ANXA13: variants seen among roughly 807,000 people sequenced by gnomAD.
The protein encoded by ANXA13 is annexin XIII.
A neutral mutation model predicts 46.6 loss-of-function variants in ANXA13; 36 were observed. That is an observed-to-expected ratio of 0.77 (90% CI 0.59 to 1.02). The LOEUF (loss-of-function observed/expected upper bound fraction) is 1.02, where lower values mean the gene tolerates loss of function less well. Ranked by LOEUF, ANXA13 falls within the 50% of genes least tolerant of loss-of-function variation. The pLI, the probability that ANXA13 is intolerant of heterozygous loss-of-function variation, is 0.00. For synonymous variants in ANXA13, 163 were observed against 152.9 expected (o/e 1.07, Z -0.49); for missense variants, 417 against 396.5 (o/e 1.05, Z -0.44).
At chr8:123,723,713 T>C (rs1022348043) in intron 1 of ANXA13, among the ~76,000 whole-genome samples, 9 of 152,204 alleles carry the variant, frequency 5.9e-5, no homozygotes, top group Admixed American at 3.9e-4. Context: ...CTGACTCTTT[T>C]GTTCTACCCT....
chr8:123,714,129 G>A (rs1813715762), intron 1 of ANXA13, among the ~76,000 whole-genome samples: 1 of 152,128 alleles, frequency 6.6e-6, no homozygotes, highest in Non-Finnish European at 1.5e-5. Context: ...CAGCTCAGTG[G>A]GTATGTTGCC....
intron 3 of ANXA13, among the ~76,000 whole-genome samples, chr8:123,700,641 T>A (rs1813427419): frequency 6.6e-6 from 1 of 152,222 alleles, no homozygotes; most frequent in Non-Finnish European, 1.5e-5. Context: ...TCAGTTTGAA[T>A]CCATTTACTC....
intron 1 of ANXA13, among the ~76,000 whole-genome samples, chr8:123,719,753 A>G (rs1030393017): frequency 6.6e-6 from 1 of 152,210 alleles, no homozygotes; most frequent in Non-Finnish European, 1.5e-5. Flanking sequence ...TCATGACATA[A>G]TAGTCCACAT....
rs1274135783 is a variant in ANXA13 at position 123,690,903 on chromosome 8, G to T, written c.643-1957C>A. 1.3e-5 allele frequency among the ~76,000 whole-genome samples: 2 copies of T among 152,222 alleles called. No homozygotes were observed. The highest frequency in any genetic ancestry group is 2.9e-5 in the Non-Finnish European group (2 of 68,026). ...GGAACATGTACAGGGGAGGGGCAAA[G>T]GGTGAGGCACGCAGTGAGGTGGCAG... is the stretch of plus-strand genomic sequence containing the variant. On this transcript the variant is annotated intron_variant, in intron 8 of 10. Coordinates refer to ENST00000419625, the MANE Select transcript of ANXA13 (RefSeq NM_004306.4). This position sits in a 1 kb window ranked among gnomAD's most constrained non-coding sequence, Gnocchi z 4.6.
intron 1 of ANXA13, among the ~76,000 whole-genome samples, chr8:123,736,738 C>T (rs1026945588): frequency 5.9e-5 from 9 of 152,064 alleles, no homozygotes; most frequent in African/African-American, 1.9e-4. Context: ...TACATATTAA[C>T]CATTTGCTCT....
chr8:123,719,771 A>C (rs983830840), intron 1 of ANXA13, among the ~76,000 whole-genome samples: 1 of 152,156 alleles, frequency 6.6e-6, no homozygotes, highest in African/African-American at 2.4e-5. Context: ...CATAGTGTGG[A>C]CTTGGGAGTC....
At position 123,681,197 on chromosome 8, in the gene ANXA13, A is replaced by G. The variant is rs1813029349; in HGVS notation, c.*43T>C. 1 of 1,559,116 alleles carries G rather than the reference A, an allele frequency of 6.4e-7. No individual in the cohort carries two copies. The highest frequency in any genetic ancestry group is 8.7e-7 in the Non-Finnish European group (1 of 1,151,700). On this transcript the variant is annotated 3_prime_UTR_variant, in exon 11 of 11. Coordinates refer to ENST00000419625, the MANE Select transcript of ANXA13 (RefSeq NM_004306.4). Reference sequence around the variant, plus strand: ...AAGTTTGATTTGGAATGTGCTCTTGACAAAGGCGGTTCCACCCTGTGTTCC... The same window carrying G: ...AAGTTTGATTTGGAATGTGCTCTTGGCAAAGGCGGTTCCACCCTGTGTTCC...
intron 2 of ANXA13, among the ~76,000 whole-genome samples, chr8:123,710,950 C>T (rs1268468027): frequency 2.6e-5 from 4 of 152,158 alleles, no homozygotes; most frequent in Non-Finnish European, 4.4e-5. Flanking sequence ...GCTTGTTGTT[C>T]TGGAACTCCT....
intron 1 of ANXA13, among the ~76,000 whole-genome samples, chr8:123,732,448 T>A (rs965933890): frequency 6.6e-6 from 1 of 152,204 alleles, no homozygotes; most frequent in African/African-American, 2.4e-5. Context: ...GTTACAACCA[T>A]CACCACTGGG....
rs777730153 is a variant in ANXA13, at chr8:123,695,200, C to G, written c.471+302G>C. Among the ~76,000 whole-genome samples the G allele has an allele frequency of 1.3e-4, 20 of 151,940 alleles. 1 individual carries two copies. The highest frequency in any genetic ancestry group is 9.8e-4 in the Admixed American group (15 of 15,258). On this transcript the variant is annotated intron_variant, in intron 6 of 10. Coordinates refer to ENST00000419625, the MANE Select transcript of ANXA13 (RefSeq NM_004306.4). Reference sequence around the variant, plus strand: ...TGCATGAACCTGGGCAGGTTACCCACCCTCTCATGGCCTACATTTCCTCAC... The same window carrying G: ...TGCATGAACCTGGGCAGGTTACCCAGCCTCTCATGGCCTACATTTCCTCAC...
intron 2 of ANXA13, among the ~76,000 whole-genome samples, chr8:123,705,721 T>C (rs1327932822): frequency 6.6e-6 from 1 of 152,120 alleles, no homozygotes; most frequent in Non-Finnish European, 1.5e-5. Flanking sequence ...ATCAGGATCC[T>C]GAAGGAACAA....
intron 8 of ANXA13, among the ~76,000 whole-genome samples, chr8:123,689,244 A>G (rs930251517): frequency 6.8e-6 from 1 of 148,106 alleles, no homozygotes; most frequent in Non-Finnish European, 1.5e-5. Context: ...CAATTAATAT[A>G]TAATATATAT....
chr8:123,691,743 C>T (rs1012591846), intron 8 of ANXA13, among the ~76,000 whole-genome samples: 5 of 152,190 alleles, frequency 3.3e-5, no homozygotes, highest in African/African-American at 9.7e-5. Flanking sequence ...GCCCTAGCCC[C>T]GGGGAATCTG....
chr8:123,682,830 T>C (rs1288578777), intron 10 of ANXA13, among the ~76,000 whole-genome samples: 4 of 152,152 alleles, frequency 2.6e-5, no homozygotes, highest in Admixed American at 2.6e-4. Flanking sequence ...CCTTCTGAGG[T>C]AACTGCCCAC....
At chr8:123,704,096 C>T (rs1029623931) in intron 2 of ANXA13, among the ~76,000 whole-genome samples, 3 of 152,244 alleles carry the variant, frequency 2.0e-5, no homozygotes, top group Admixed American at 6.5e-5. Context: ...GTCCAGTCCG[C>T]GGTGGTCCTA....
At chr8:123,712,054 A>G (rs1813669519) in intron 2 of ANXA13, 1 of 154,774 alleles carries the variant, frequency 6.5e-6, no homozygotes, top group Non-Finnish European at 1.4e-5. Flanking sequence ...CCCAAATCTC[A>G]TCTTGAATCG....
chr8:123,723,332 G>A (rs953117829), intron 1 of ANXA13, among the ~76,000 whole-genome samples: 4 of 152,204 alleles, frequency 2.6e-5, no homozygotes, highest in Admixed American at 1.3e-4. Flanking sequence ...AAGCAAATAA[G>A]CTGAAGCCTC....
chr8:123,684,648 C>T lies in ANXA13; in HGVS notation c.793G>A (p.Glu265Lys), dbSNP rs747515955. The change falls in exon 10 of 11, where the codon GAG becomes AAG. Residue 265 changes from glutamate (E) to lysine (K), a missense_variant. Coordinates refer to ENST00000419625, the MANE Select transcript of ANXA13 (RefSeq NM_004306.4). ...ACGACTATGCGAATCAACGTCTCCT[C>T]ATCGGTCCCCGCACCCTTCATCGAC... ...YKSMKGAGTD[E>K]ETLIRIVVTR... 4 of 1,614,042 alleles carry T rather than the reference C, an allele frequency of 2.5e-6. No homozygotes were observed. In the South Asian group the frequency reaches 3.3e-5, roughly 13 times the overall value.
intron 1 of ANXA13, among the ~76,000 whole-genome samples, chr8:123,733,750 C>A (rs910658393): frequency 3.3e-5 from 5 of 152,224 alleles, no homozygotes; most frequent in African/African-American, 1.2e-4. Flanking sequence ...AACTCTGCTG[C>A]ACATTAGAGC....
Sources: allele counts gnomAD v4.1 joint callset (sites outside exome capture counted in the v4.1 genomes callset), GRCh38; gene constraint gnomAD v4.1.1; non-coding constraint Gnocchi (gnomAD v3.1); transcripts MANE v1.5; gene names NCBI Gene and HGNC (gene_info 2026-07-23, HGNC 2026-07-21).